Variants in POLG2 observed in about 807,000 individuals in gnomAD.
POLG2 encodes the protein DNA polymerase subunit gamma-2.
Under a neutral mutation model 56.5 loss-of-function variants are expected in POLG2, and 50 were observed. The ratio of observed to expected loss-of-function variants is 0.88; its 90% CI spans 0.71 to 1.12. The LOEUF is 1.12. POLG2 is among the 50% of genes most tolerant of loss of function. POLG2 has a pLI of 0.00. For missense variants in POLG2, 584 were observed against 583.3 expected, an observed-to-expected ratio of 1.00 and a Z score of -0.01; for synonymous variants, 226 against 222.6, an observed-to-expected ratio of 1.02 and a Z score of -0.14.
chr17:64,487,940 G>A lies in POLG2; in HGVS notation c.970-2072C>T, dbSNP rs574191926. ...GGTGGCAACTCTTCCAACAATATCT[G>A]ATTTCTCACACTATCCAGAATAAAT... On this transcript the variant is annotated intron_variant, in intron 4 of 7. Coordinates refer to ENST00000539111, the MANE Select transcript of POLG2 (RefSeq NM_007215.4). 1.1e-4 allele frequency among the ~76,000 whole-genome samples: 16 copies of A among 152,312 alleles called. No homozygotes were observed. The South Asian group carries it at 1.2e-3, about 12-fold the overall frequency.
chr17:64,482,851 T>C (rs2037884700), intron 6 of POLG2, 68 bp downstream of exon 6: 1 of 919,350 alleles, frequency 1.1e-6, no homozygotes, highest in South Asian at 1.3e-5. Flanking sequence ...AAAATGGTCC[T>C]GGTCCAAAGC....
chr17:64,478,115 C>A, intron 7 of POLG2, 127 bp from the exon 8 acceptor site: 5 of 827,556 alleles, frequency 6.0e-6, no homozygotes, highest in Admixed American at 2.7e-5. Context: ...AAGGGTGGAC[C>A]AAAAAAACCC....
At chr17:64,491,418 G>A in intron 3 of POLG2, 2 of 714,068 alleles carry the variant, frequency 2.8e-6, no homozygotes, top group South Asian at 1.8e-5. Flanking sequence ...AACAGAGCAA[G>A]ACTTCATCTC....
chr17:64,480,274 AAATAC>A lies in POLG2; in HGVS notation c.1292+10_1292+14del, dbSNP rs1386972816. ...CTTGAATAAATACACTCTTTAATGAAAATACAATTCTTACTTCGAATAAAGTTGTT... is the reference window on the plus strand; with the variant it reads ...CTTGAATAAATACACTCTTTAATGAAAATTCTTACTTCGAATAAAGTTGTT... On this transcript the variant is annotated intron_variant, in intron 7 of 7. Transcript: ENST00000539111. 1 of 1,263,610 alleles carries A rather than the reference AAATAC, an allele frequency of 7.9e-7. No individual in the cohort carries two copies. The highest frequency in any genetic ancestry group is 1.5e-5 in the African/African-American group (1 of 68,600). The allele number at this position is 1,263,610 out of a possible 1,614,324, so 78.3% of individuals were successfully genotyped here.
chr17:64,480,690 A>G (rs2037842814), intron 6 of POLG2, among the ~76,000 whole-genome samples: 1 of 152,240 alleles, frequency 6.6e-6, no homozygotes, highest in Admixed American at 6.5e-5. Flanking sequence ...AAACAAAACC[A>G]AAACAGATTC....
intron 5 of POLG2, among the ~76,000 whole-genome samples, chr17:64,483,593 C>T (rs562342205): frequency 4.8e-4 from 73 of 151,972 alleles, no homozygotes; most frequent in African/African-American, 1.7e-3. Context: ...CTTTCAGCAT[C>T]ACTTTGGACC....
At chr17:64,493,778 G>GC (rs1372222741) in intron 1 of POLG2, among the ~76,000 whole-genome samples, 1 of 152,032 alleles carries the variant, frequency 6.6e-6, no homozygotes, top group Non-Finnish European at 1.5e-5. Context: ...GAGCCACCGC[G>GC]CCCGACAAAG....
intron 1 of POLG2, among the ~76,000 whole-genome samples, chr17:64,495,060 C>T (rs1225837956): frequency 2.0e-5 from 3 of 151,566 alleles, no homozygotes; most frequent in Non-Finnish European, 2.9e-5. Context: ...GTAGTCTAGT[C>T]CCAGCTACTC....
At chr17:64,482,095 GC>G (rs1159783714) in intron 6 of POLG2, among the ~76,000 whole-genome samples, 2 of 136,732 alleles carry the variant, frequency 1.5e-5, no homozygotes, top group Non-Finnish European at 3.1e-5. Context: ...TTTAATTAAA[GC>G]TTTTTTTTTT....
chr17:64,484,413 C>T (rs1336964420), intron 5 of POLG2, among the ~76,000 whole-genome samples: 1 of 152,154 alleles, frequency 6.6e-6, no homozygotes, highest in Non-Finnish European at 1.5e-5. Flanking sequence ...GTCAGTGCTG[C>T]TGGAGCAGAC....
At chr17:64,491,626 A>G (rs1300096930) in intron 3 of POLG2, 29 of 1,515,932 alleles carry the variant, frequency 1.9e-5, no homozygotes, top group Non-Finnish European at 2.6e-5. Flanking sequence ...AGTGGCCTTG[A>G]TGGAGCGTTT....
intron 6 of POLG2, chr17:64,481,473 A>T (rs2037854877): frequency 1.1e-6 from 1 of 902,116 alleles, no homozygotes; most frequent in Admixed American, 6.2e-5. Flanking sequence ...GCCATCCCCC[A>T]TGGCCTTTCT....
At chr17:64,492,528 CAA>C in intron 3 of POLG2, 137 bp downstream of exon 3, 1 of 637,936 alleles carries the variant, frequency 1.6e-6, no homozygotes, top group Non-Finnish European at 2.8e-6. Context: ...AAAATTGTTA[CAA>C]AGAGTTTTTG....
At chr17:64,484,471 CTGAG>C (rs1568084142) in intron 5 of POLG2, among the ~76,000 whole-genome samples, 2 of 152,132 alleles carry the variant, frequency 1.3e-5, no homozygotes, top group African/African-American at 4.8e-5. Flanking sequence ...TCGGTTTTTC[CTGAG>C]TGAGATGAGA....
chr17:64,491,686 G>C (rs951707714), intron 3 of POLG2: 1 of 1,152,088 alleles, frequency 8.7e-7, no homozygotes, highest in Non-Finnish European at 1.3e-6. Context: ...GTGAAGAAGG[G>C]GAGCATCTCG....
chr17:64,496,668 G>C lies in POLG2; in HGVS notation c.301C>G (p.Pro101Ala). Residue 101 changes from proline (P) to alanine (A), a missense_variant, in exon 1 of 8, where the codon CCC becomes GCC. By Grantham distance (27) the Pro-to-Ala change is conservative (BLOSUM62 -1). Coordinates refer to ENST00000539111, the MANE Select transcript of POLG2 (RefSeq NM_007215.4). ...TTCTTCCGCAACTCTACGCCCAAGG[G>C]TCCGAAGCCGGGGTGGCACCCACTC... The part of the protein sequence containing the change: ...LLSGCHPGFG[P>A]LGVELRKNLA... 6.2e-7 allele frequency: 1 copy of C among 1,613,992 alleles called. No homozygotes were observed. The highest frequency in any genetic ancestry group is 1.1e-5 in the South Asian group (1 of 91,070).
chr17:64,484,109 C>T (rs1217297298), intron 5 of POLG2: 1 of 152,100 alleles, frequency 6.6e-6, no homozygotes, highest in Non-Finnish European at 1.5e-5. Flanking sequence ...CTCCGTCTCT[C>T]GTGGCAGGGA....
chr17:64,487,389 G>GCCTGT, intron 4 of POLG2: 3 of 152,242 alleles, frequency 2.0e-5, no homozygotes, highest in Middle Eastern at 6.8e-3. Flanking sequence ...CATGGTGGAC[G>GCCTGT]AATCACTTGA....
chr17:64,487,430 A>C (rs2037977063), intron 4 of POLG2: 1 of 152,216 alleles, frequency 6.6e-6, no homozygotes, highest in Non-Finnish European at 1.5e-5. Context: ...CCTGGCCAAC[A>C]TGGTAAAACC....
Sources: allele counts gnomAD v4.1 joint callset (sites outside exome capture counted in the v4.1 genomes callset), GRCh38; gene constraint gnomAD v4.1.1; transcripts MANE v1.5; gene names NCBI Gene and HGNC (gene_info 2026-07-23, HGNC 2026-07-21).